The following PTPRN2 variants were observed in gnomAD, a reference collection of about 807,000 sequenced individuals.
PTPRN2 encodes protein tyrosine phosphatase receptor type N2, also known as receptor-type tyrosine-protein phosphatase N2.
PTPRN2 carries 74 observed loss-of-function variants against 118.8 expected under a neutral mutation model. The observed-to-expected ratio is 0.62, with a 90% CI of 0.52 to 0.76. The LOEUF (loss-of-function observed/expected upper bound fraction) is 0.76. PTPRN2 is among the 30% of genes least tolerant of loss of function. PTPRN2 has a pLI of 0.00. For missense variants in PTPRN2, 1,481 were observed against 1,394.4 expected (o/e 1.06, Z -0.99); for synonymous variants, 641 against 608.0 (o/e 1.05, Z -0.80).
At chr7:158,479,637 C>T (rs1265414540) in intron 2 of PTPRN2, among the ~76,000 whole-genome samples, 2 of 151,988 alleles carry the variant, frequency 1.3e-5, no homozygotes, top group Non-Finnish European at 2.9e-5. Context: ...GTTTGAAAAA[C>T]AGATGAGGTA....
intron 14 of PTPRN2, among the ~76,000 whole-genome samples, chr7:157,625,623 T>G (rs1803521937): frequency 6.6e-6 from 1 of 152,142 alleles, no homozygotes; most frequent in African/African-American, 2.4e-5. Flanking sequence ...ACAAATATGG[T>G]GCAGTGTATA....
chr7:158,139,055 G>A (rs146805530), intron 6 of PTPRN2, among the ~76,000 whole-genome samples: 5 of 152,192 alleles, frequency 3.3e-5, no homozygotes, highest in African/African-American at 4.8e-5. Flanking sequence ...TCAAAGCCTC[G>A]TCCAAGAAAG....
intron 11 of PTPRN2, among the ~76,000 whole-genome samples, chr7:157,993,404 G>A (rs1317554741): frequency 1.3e-5 from 2 of 151,964 alleles, no homozygotes; most frequent in Non-Finnish European, 1.5e-5. Flanking sequence ...TACCTGGTCA[G>A]AGCCAGGACA....
chr7:157,932,757 GTCAC>G (rs1405384553), intron 11 of PTPRN2, among the ~76,000 whole-genome samples: 1 of 151,882 alleles, frequency 6.6e-6, no homozygotes, highest in Non-Finnish European at 1.5e-5. Context: ...GGAGGGGTGA[GTCAC>G]TCACAGTTTT....
chr7:158,051,198 C>T (rs1471667872), intron 11 of PTPRN2, among the ~76,000 whole-genome samples: 1 of 152,044 alleles, frequency 6.6e-6, no homozygotes, highest in Non-Finnish European at 1.5e-5. Flanking sequence ...TGTCAGCCAG[C>T]TCTCAGCAGT....
At chr7:157,899,390 T>C (rs980477359) in intron 11 of PTPRN2, among the ~76,000 whole-genome samples, 2 of 152,228 alleles carry the variant, frequency 1.3e-5, no homozygotes. Context: ...CCAGTAATCC[T>C]AGCACCAACA....
chr7:158,282,134 G>A (rs2151001283), intron 3 of PTPRN2, among the ~76,000 whole-genome samples: 1 of 150,904 alleles, frequency 6.6e-6, no homozygotes, highest in Non-Finnish European at 1.5e-5. Flanking sequence ...TGTTAACAGG[G>A]TCCTTTGCCG....
intron 2 of PTPRN2, among the ~76,000 whole-genome samples, chr7:158,318,073 T>C (rs1195761477): frequency 6.6e-6 from 1 of 151,936 alleles, no homozygotes; most frequent in East Asian, 2.0e-4. Context: ...CCGCCTCCTG[T>C]CCGAGAGCCG....
intron 11 of PTPRN2, among the ~76,000 whole-genome samples, chr7:158,060,680 G>A (rs1231337635): frequency 6.6e-6 from 1 of 152,188 alleles, no homozygotes; most frequent in Admixed American, 6.5e-5. Context: ...CCCACAGCAG[G>A]TGTCACCCAG....
intron 2 of PTPRN2, among the ~76,000 whole-genome samples, chr7:158,319,125 T>C (rs569885407): frequency 2.0e-5 from 3 of 152,364 alleles, no homozygotes; most frequent in South Asian, 4.1e-4. Flanking sequence ...TAAACATTTA[T>C]TTAGAATATA....
At chr7:158,513,652 A>C (rs1321905115) in intron 1 of PTPRN2, among the ~76,000 whole-genome samples, 1 of 152,224 alleles carries the variant, frequency 6.6e-6, no homozygotes, top group East Asian at 1.9e-4. Flanking sequence ...ACATGGTAGA[A>C]TATATGAAGC....
In PTPRN2 at chr7:158,565,328, ACCGGGAACTTTGCAAATTC is replaced by A. The variant is rs1387777933; in HGVS notation, c.112+22211_112+22229del. ...CACACCAAAGGGAACTTTGCAAATT[ACCGGGAACTTTGCAAATTC>A]CCAGGAACTTTGCAAATTACCTCTC... On this transcript the variant is annotated intron_variant, in intron 1 of 22. Transcript: ENST00000389418. This position sits in a 1 kb window ranked among gnomAD's most constrained non-coding sequence, Gnocchi z 4.6. Among the ~76,000 whole-genome samples, 1 of 152,054 alleles carries A rather than the reference ACCGGGAACTTTGCAAATTC, an allele frequency of 6.6e-6. No homozygotes were observed. Among genetic ancestry groups the A allele is most frequent in the Non-Finnish European group, 1.5e-5 (1 of 68,002 alleles).
rs571522790 is a variant in PTPRN2, at chr7:158,124,960, G to A, written c.1556+8717C>T. Reference sequence around the variant, plus strand: ...CGCAAGAGAGAAGGCCCCGCAGTGCGGAGGCAAGAGGCTCAGATGGCCTGG... The same window carrying A: ...CGCAAGAGAGAAGGCCCCGCAGTGCAGAGGCAAGAGGCTCAGATGGCCTGG... On this transcript the variant is annotated intron_variant, in intron 9 of 22. Transcript: ENST00000389418. Among the ~76,000 whole-genome samples, 18 of 152,358 alleles carry A rather than the reference G, an allele frequency of 1.2e-4. 1 individual carries two copies. The highest frequency in any genetic ancestry group is 9.7e-4 in the East Asian group (5 of 5,180).
chr7:157,677,249 C>A lies in PTPRN2; in HGVS notation c.2001+5476G>T, dbSNP rs184287506. Among the ~76,000 whole-genome samples, 536 of 152,318 alleles carry A rather than the reference C, an allele frequency of 3.5e-3. 2 individuals carry two copies. The highest frequency in any genetic ancestry group is 5.1e-3 in the Non-Finnish European group (349 of 68,038). ...TGAAGCCACAGAATTCAGCCCTCCA[C>A]ATTTTATGTCTCAGACTTTCCAATT... is the stretch of plus-strand genomic sequence containing the variant. On this transcript the variant is annotated intron_variant, in intron 13 of 22. Coordinates refer to ENST00000389418, the MANE Select transcript of PTPRN2 (RefSeq NM_002847.5).
chr7:158,337,786 C>T (rs1428842814), intron 2 of PTPRN2, among the ~76,000 whole-genome samples: 112 of 22,052 alleles, frequency 5.1e-3, no homozygotes, highest in Middle Eastern at 0.023. Flanking sequence ...CTCACACCCA[C>T]ACTCTCACCA....
intron 2 of PTPRN2, among the ~76,000 whole-genome samples, chr7:158,435,914 C>A (rs1816542156): frequency 6.6e-6 from 1 of 152,104 alleles, no homozygotes; most frequent in Non-Finnish European, 1.5e-5. Context: ...TTTCCAGGGG[C>A]TGGGTCGGGG....
intron 11 of PTPRN2, among the ~76,000 whole-genome samples, chr7:158,035,718 C>A (rs1808049353): frequency 6.6e-6 from 1 of 152,162 alleles, no homozygotes; most frequent in Admixed American, 6.5e-5. Flanking sequence ...AGTGTCAAAT[C>A]CTAATATAAT....
chr7:158,003,561 C>T lies in PTPRN2; in HGVS notation c.1723+77737G>A, dbSNP rs1805435378. The stretch of plus-strand genomic sequence containing the variant: ...TGGCCACGACGCAGCCACCGTGAGC[C>T]AGGGAATGCGGCCCCAGGAACAAGC... On this transcript the variant is annotated intron_variant, in intron 11 of 22. Coordinates refer to ENST00000389418, the MANE Select transcript of PTPRN2 (RefSeq NM_002847.5). The surrounding 1 kb of genome is among the most constrained non-coding windows in gnomAD (Gnocchi z 5.0). Among the ~76,000 whole-genome samples the T allele has an allele frequency of 1.3e-5, 2 of 152,202 alleles. No homozygotes were observed. The highest frequency in any genetic ancestry group is 2.9e-5 in the Non-Finnish European group (2 of 68,042).
chr7:157,982,236 G>C (rs116474010), intron 11 of PTPRN2, among the ~76,000 whole-genome samples: 1 of 141,032 alleles, frequency 7.1e-6, no homozygotes, highest in African/African-American at 2.7e-5. Flanking sequence ...GGAATGCAGA[G>C]TGCGGGGTCC....
Sources: allele counts gnomAD v4.1 joint callset (sites outside exome capture counted in the v4.1 genomes callset), GRCh38; gene constraint gnomAD v4.1.1; non-coding constraint Gnocchi (gnomAD v3.1); transcripts MANE v1.5; gene names NCBI Gene and HGNC (gene_info 2026-07-23, HGNC 2026-07-21).